ZC3H12C: variants seen among roughly 807,000 people sequenced by gnomAD.
The protein encoded by ZC3H12C is zinc finger CCCH-type containing 12C.
A neutral mutation model predicts 76.3 loss-of-function variants in ZC3H12C; 20 were observed. The ratio of observed to expected loss-of-function variants is 0.26; its 90% confidence interval spans 0.18 to 0.38. ZC3H12C has a LOEUF of 0.38. Ranked by LOEUF, ZC3H12C falls within the 10% of genes least tolerant of loss-of-function variation. The probability of loss-of-function intolerance (pLI) is 1.00; values close to 1 mark genes in which losing one functional copy is unlikely to be tolerated. For synonymous variants in ZC3H12C, 352 were observed against 399.6 expected, an observed-to-expected ratio of 0.88 and a Z score of 1.42; for missense variants, 874 against 1,086.5, an observed-to-expected ratio of 0.80 and a Z score of 2.75.
Position 110,165,242 on chromosome 11 carries a change from C to T in ZC3H12C, c.2157C>T (p.Ser719=), listed in dbSNP as rs1862558007. ...HLPHSAVGAR[S]SCPGDYPSPP... ...CGCACTCCGCTGTGGGCGCCCGGTC[C>T]AGCTGTCCTGGCGACTACCCCTCTC... The change falls in exon 6 of 6, where the codon TCC becomes TCT. Residue 719 remains serine, a synonymous_variant. Transcript: ENST00000278590. 1.2e-6 allele frequency: 2 copies of T among 1,614,018 alleles called. No individual in the cohort carries two copies. The highest frequency in any genetic ancestry group is 1.7e-6 in the Non-Finnish European group (2 of 1,179,906).
Position 110,164,246 on chromosome 11 carries a change from C to T in ZC3H12C, c.1256-95C>T, listed in dbSNP as rs1218052874. On this transcript the variant is annotated intron_variant, in intron 5 of 5. Coordinates refer to ENST00000278590, the MANE Select transcript of ZC3H12C (RefSeq NM_033390.2). This position sits in a 1 kb window ranked among gnomAD's most constrained non-coding sequence, Gnocchi z 5.7. ...CACTTAGCACAGCTCCCATTTCTAT[C>T]GTTGTCTCTTCTACAAGTTAAAATC... The T allele has an allele frequency of 3.6e-6, 4 of 1,120,150 alleles. No homozygotes were observed. The highest frequency in any genetic ancestry group is 1.6e-5 in the African/African-American group (1 of 63,364). 69.4% of individuals were successfully genotyped at this position (1,120,150 alleles called of 1,614,324 possible). A position where few individuals can be genotyped will look rare whatever the true frequency, so the allele number is the denominator to read the frequency against.
At chr11:110,149,994 A>G (rs143421849) in intron 2 of ZC3H12C, among the ~76,000 whole-genome samples, 48 of 151,990 alleles carry the variant, frequency 3.2e-4, no homozygotes, top group African/African-American at 1.0e-3. Context: ...TTTTCTTTTC[A>G]TATTTAAATA....
rs1319454504 is a variant in ZC3H12C at position 110,137,216 on chromosome 11, T to C, written c.575T>C (p.Ile192Thr). ...AACAAACTTGGTACTGATGCTTTAA[T>C]CAATGATATTTTGGGAGAACTTGTC... ...VLNKLGTDAL[I>T]NDILGELVKL... The change falls in exon 2 of 6, where the codon ATC (isoleucine) becomes ACC (threonine). Residue 192 changes from isoleucine to threonine, a missense_variant. Ile to Thr is a moderately conservative substitution (Grantham distance 89). Transcript: ENST00000278590. 1 of 1,613,838 alleles carries C rather than the reference T, an allele frequency of 6.2e-7. No homozygotes were observed. The highest frequency in any genetic ancestry group is 8.5e-7 in the Non-Finnish European group (1 of 1,179,870).
chr11:110,162,388 G>C (rs777862824), intron 4 of ZC3H12C, among the ~76,000 whole-genome samples: 1 of 152,174 alleles, frequency 6.6e-6, no homozygotes, highest in Non-Finnish European at 1.5e-5. Flanking sequence ...TAAACACTGT[G>C]GTTGCTAAGT....
chr11:110,156,896 G>T (rs1487951246), intron 3 of ZC3H12C, among the ~76,000 whole-genome samples: 1 of 152,162 alleles, frequency 6.6e-6, no homozygotes, highest in Non-Finnish European at 1.5e-5. Context: ...GAGATCAACA[G>T]TAGGCCAGGC....
intron 1 of ZC3H12C, among the ~76,000 whole-genome samples, chr11:110,120,456 C>T (rs1231063357): frequency 6.6e-6 from 1 of 152,042 alleles, no homozygotes; most frequent in East Asian, 1.9e-4. Flanking sequence ...AGCAAATTCA[C>T]CAACAAAACA....
intron 2 of ZC3H12C, among the ~76,000 whole-genome samples, chr11:110,143,675 G>A (rs1250206465): frequency 6.6e-6 from 1 of 152,104 alleles, no homozygotes. Context: ...ACACGTATAT[G>A]TATTTGTATA....
At chr11:110,162,831 C>T (rs1049029579) in intron 4 of ZC3H12C, among the ~76,000 whole-genome samples, 1 of 152,172 alleles carries the variant, frequency 6.6e-6, no homozygotes, top group Non-Finnish European at 1.5e-5. Context: ...TAGCACTAAC[C>T]GGTGTCTGGT....
intron 1 of ZC3H12C, 84 bp downstream of exon 1, chr11:110,093,516 C>T: frequency 9.4e-7 from 1 of 1,063,998 alleles, no homozygotes; most frequent in Non-Finnish European, 1.2e-6. Context: ...GGCCGCGGGG[C>T]CGCGCCCGGG....
intron 1 of ZC3H12C, among the ~76,000 whole-genome samples, chr11:110,104,311 T>A (rs7126662): frequency 0.38 from 58,031 of 151,736 alleles, 11,524 homozygotes; most frequent in East Asian, 0.66. Flanking sequence ...CACTTTGGGA[T>A]CATTTCAGCC....
intron 2 of ZC3H12C, among the ~76,000 whole-genome samples, chr11:110,141,932 C>T (rs1457537134): frequency 6.6e-6 from 1 of 152,194 alleles, no homozygotes; most frequent in South Asian, 2.1e-4. Context: ...ATATATGTGA[C>T]TCACATTATA....
chr11:110,125,411 T>G (rs1861725411), intron 1 of ZC3H12C, among the ~76,000 whole-genome samples: 2 of 151,406 alleles, frequency 1.3e-5, no homozygotes, highest in Admixed American at 1.3e-4. Context: ...AACCTCCACC[T>G]CCAGGTTCAA....
intron 1 of ZC3H12C, among the ~76,000 whole-genome samples, chr11:110,135,351 A>C (rs139519310): frequency 3.9e-5 from 6 of 151,958 alleles, no homozygotes; most frequent in African/African-American, 1.5e-4. Context: ...TTAGCCGAGC[A>C]TGGTGGCACT....
At chr11:110,117,616 A>C (rs1861550255) in intron 1 of ZC3H12C, among the ~76,000 whole-genome samples, 1 of 148,130 alleles carries the variant, frequency 6.8e-6, no homozygotes, top group African/African-American at 2.5e-5. Context: ...AGGCATGGGG[A>C]GGTTAATTTG....
chr11:110,156,600 C>T (rs1862380900), intron 3 of ZC3H12C, among the ~76,000 whole-genome samples: 1 of 152,192 alleles, frequency 6.6e-6, no homozygotes, highest in Non-Finnish European at 1.5e-5. Context: ...GAGTAGACAT[C>T]CTCACAAATA....
intron 1 of ZC3H12C, among the ~76,000 whole-genome samples, chr11:110,119,955 A>G (rs1861624606): frequency 1.3e-5 from 2 of 152,226 alleles, no homozygotes; most frequent in South Asian, 4.1e-4. Flanking sequence ...CATTCAGATC[A>G]TAGCCCTGTT....
At chr11:110,146,806 T>C (rs1021661322) in intron 2 of ZC3H12C, among the ~76,000 whole-genome samples, 3 of 152,190 alleles carry the variant, frequency 2.0e-5, no homozygotes, top group African/African-American at 4.8e-5. Context: ...TGTCTATCCT[T>C]ACCATCCACA....
rs1861973407 is a variant in ZC3H12C at position 110,136,921 on chromosome 11, A to C, written c.280A>C (p.Thr94Pro). The C allele has an allele frequency of 2.5e-6, 4 of 1,613,772 alleles. No individual in the cohort carries two copies. In the Admixed American group the frequency reaches 5.0e-5, roughly 20 times the overall value. ...NASSGDSEEN[T>P]NSDHESEQLG... ...AAGCTCTGGTGACTCTGAAGAAAACACAAATTCTGATCATGAGTCAGAACA... is the reference window on the plus strand; with the variant it reads ...AAGCTCTGGTGACTCTGAAGAAAACCCAAATTCTGATCATGAGTCAGAACA... Residue 94 changes from threonine (T) to proline (P), a missense_variant, in exon 2 of 6, where the codon ACA becomes CCA. Thr to Pro is a conservative substitution (Grantham distance 38). Around this residue, in one of 3 missense-constraint regions of ZC3H12C, gnomAD observed 210 missense variants for 227.1 expected, o/e 0.92. Transcript: ENST00000278590.
At chr11:110,127,643 C>G (rs181431010) in intron 1 of ZC3H12C, among the ~76,000 whole-genome samples, 2 of 152,160 alleles carry the variant, frequency 1.3e-5, no homozygotes, top group Non-Finnish European at 1.5e-5. Flanking sequence ...GCCTGTAATT[C>G]AAGCACTTTG....
Sources: gnomAD v4.1 joint callset for allele counts (sites outside exome capture counted in the v4.1 genomes callset) on GRCh38, gnomAD v4.1.1 for gene constraint, gnomAD v4.1.1 regional missense constraint, Gnocchi (gnomAD v3.1) non-coding constraint, MANE v1.5 for transcripts, NCBI Gene and HGNC (gene_info 2026-07-23, HGNC 2026-07-21) for gene names.